Variants in RYR3 observed in about 807,000 individuals in gnomAD.
RYR3 encodes brain ryanodine receptor-calcium release channel.
In RYR3, 207 loss-of-function variants were observed where a neutral mutation model predicts 584.3. That is an observed-to-expected ratio of 0.35 (90% confidence interval 0.32 to 0.40). The LOEUF (loss-of-function observed/expected upper bound fraction) is 0.40, where lower values mean the gene tolerates loss of function less well. Among genes scored for constraint, RYR3 ranks in the 10% least tolerant of loss-of-function variants. RYR3 has a pLI of 1.00. For missense variants in RYR3, 5,616 were observed against 6,089.2 expected, an observed-to-expected ratio of 0.92 and a Z score of 2.59; for synonymous variants, 2,416 against 2,248.5, an observed-to-expected ratio of 1.07 and a Z score of -2.11.
intron 91 of RYR3, 62 bp downstream of exon 91, chr15:33,842,097 A>C: frequency 6.6e-7 from 1 of 1,518,836 alleles, no homozygotes; most frequent in Non-Finnish European, 8.9e-7. Flanking sequence ...GATGGCAGAG[A>C]GGTGCCGCTG....
At chr15:33,701,964 A>G (rs2066335942) in intron 42 of RYR3, among the ~76,000 whole-genome samples, 1 of 152,192 alleles carries the variant, frequency 6.6e-6, no homozygotes, top group Non-Finnish European at 1.5e-5. Context: ...AATTGAACTT[A>G]TGCTACCATT....
At chr15:33,556,202 G>A (rs1263295162) in intron 10 of RYR3, among the ~76,000 whole-genome samples, 1 of 152,018 alleles carries the variant, frequency 6.6e-6, no homozygotes, top group Non-Finnish European at 1.5e-5. Flanking sequence ...TGGCTTAATT[G>A]TATTAAATAA....
At position 33,574,212 on chromosome 15, in the gene RYR3, C is replaced by A. The variant is rs2058179969; in HGVS notation, c.1269-5764C>A. Among the ~76,000 whole-genome samples the A allele has an allele frequency of 2.6e-5, 4 of 152,198 alleles. No individual in the cohort carries two copies. The South Asian group carries it at 6.2e-4, about 24-fold the overall frequency. On this transcript the variant is annotated intron_variant, in intron 12 of 103. Transcript: ENST00000634891. ...GCGAGCTACAAAAATGTCTATAAAC[C>A]TCTTGCTGTCATCTTTTCCTATCAT... is the stretch of plus-strand genomic sequence containing the variant.
chr15:33,440,348 A>G (rs1346332935), intron 1 of RYR3, among the ~76,000 whole-genome samples: 1 of 152,210 alleles, frequency 6.6e-6, no homozygotes, highest in East Asian at 1.9e-4. Context: ...AAGGAAGTAC[A>G]TAGGTAAGCA....
chr15:33,837,573 G>T, intron 88 of RYR3, 58 bp from the exon 89 acceptor site: 1 of 1,476,380 alleles, frequency 6.8e-7, no homozygotes, highest in Non-Finnish European at 9.0e-7. Flanking sequence ...CCTGACAAGT[G>T]ACATGATAGC....
At chr15:33,591,828 G>A (rs1262116395) in intron 16 of RYR3, among the ~76,000 whole-genome samples, 1 of 152,180 alleles carries the variant, frequency 6.6e-6, no homozygotes, top group Non-Finnish European at 1.5e-5. Context: ...TGGAGGGGCT[G>A]AATAGCAGCC....
intron 44 of RYR3, 113 bp downstream of exon 44, chr15:33,723,008 C>A (rs2068065078): frequency 1.1e-6 from 1 of 951,276 alleles, no homozygotes; most frequent in Non-Finnish European, 1.6e-6. Context: ...TTAACAGTTA[C>A]AGCTAAAACA....
intron 14 of RYR3, among the ~76,000 whole-genome samples, chr15:33,582,819 A>G (rs2058661226): frequency 1.3e-5 from 2 of 152,138 alleles, no homozygotes; most frequent in African/African-American, 4.8e-5. Flanking sequence ...TGAAGATGCA[A>G]AGCTGAGGCC....
At chr15:33,809,636 T>TTTG (rs1249994783) in intron 70 of RYR3, among the ~76,000 whole-genome samples, 9 of 151,484 alleles carry the variant, frequency 5.9e-5, no homozygotes, top group East Asian at 1.9e-4. Context: ...TTTTTAATGT[T>TTTG]TTGTTGTTGT....
chr15:33,853,914 C>A (rs1003666818), intron 96 of RYR3, among the ~76,000 whole-genome samples: 1 of 152,130 alleles, frequency 6.6e-6, no homozygotes, highest in African/African-American at 2.4e-5. Context: ...TCAGGTTGGG[C>A]TGGGCGCAGT....
At chr15:33,503,491 A>C in intron 2 of RYR3, 140 bp from the exon 3 acceptor site, 1 of 611,620 alleles carries the variant, frequency 1.6e-6, no homozygotes, top group Non-Finnish European at 2.9e-6. Flanking sequence ...CTTGAACAGG[A>C]GAAAGCCACC....
intron 1 of RYR3, among the ~76,000 whole-genome samples, chr15:33,389,882 A>T (rs1013100470): frequency 1.3e-5 from 2 of 152,218 alleles, no homozygotes; most frequent in African/African-American, 2.4e-5. Context: ...AGTAATATTT[A>T]TGAAAATGTA....
rs748002152 is a variant in RYR3 at position 33,768,716 on chromosome 15, A to G, written c.8755+9A>G. 136 of 1,613,410 alleles carry G rather than the reference A, an allele frequency of 8.4e-5. No individual in the cohort carries two copies. The highest frequency in any genetic ancestry group is 1.6e-4 in the Middle Eastern group (1 of 6,080). On this transcript the variant is annotated intron_variant, in intron 61 of 103. Transcript: ENST00000634891. ...CAGAATTTCCCTCTTTGGTAAGTGA[A>G]GTGTTGCTCAAGGTACCGCTCCTCC...
chr15:33,630,462 A>G (rs2152629165), intron 22 of RYR3, among the ~76,000 whole-genome samples: 1 of 152,316 alleles, frequency 6.6e-6, no homozygotes, highest in Admixed American at 6.5e-5. Flanking sequence ...TAACTTCTCT[A>G]GCCTAAATTG....
At chr15:33,523,559 C>T (rs1464070262) in intron 3 of RYR3, among the ~76,000 whole-genome samples, 1 of 152,118 alleles carries the variant, frequency 6.6e-6, no homozygotes, top group Non-Finnish European at 1.5e-5. Flanking sequence ...CACTATCTGT[C>T]CACCCCTCCT....
intron 1 of RYR3, among the ~76,000 whole-genome samples, chr15:33,396,340 G>C (rs140436171): frequency 6.6e-5 from 10 of 152,240 alleles, no homozygotes; most frequent in African/African-American, 2.4e-4. Context: ...TTTTGTGGTT[G>C]ACACCCTGCA....
chr15:33,485,493 GA>G (rs1270057515), intron 2 of RYR3, among the ~76,000 whole-genome samples: 1 of 152,158 alleles, frequency 6.6e-6, no homozygotes, highest in Non-Finnish European at 1.5e-5. Flanking sequence ...CGATACAGTG[GA>G]AAGGCCTGGT....
At chr15:33,729,577 G>T (rs563250262) in intron 47 of RYR3, among the ~76,000 whole-genome samples, 48 of 152,270 alleles carry the variant, frequency 3.2e-4, no homozygotes, top group African/African-American at 1.1e-3. Flanking sequence ...GTCAATACAA[G>T]AGGACAAAGG....
chr15:33,676,700 C>G (rs936239400), intron 38 of RYR3, among the ~76,000 whole-genome samples: 2 of 152,170 alleles, frequency 1.3e-5, no homozygotes, highest in Non-Finnish European at 2.9e-5. Context: ...GCAAACAAAA[C>G]AGATATCATT....
Sources: gnomAD v4.1 joint callset for allele counts (sites outside exome capture counted in the v4.1 genomes callset) on GRCh38, gnomAD v4.1.1 for gene constraint, MANE v1.5 for transcripts, NCBI Gene and HGNC (gene_info 2026-07-23, HGNC 2026-07-21) for gene names.